The following ACSL3 variants were observed in gnomAD, a reference collection of about 807,000 sequenced individuals.
The protein encoded by ACSL3 is acyl-CoA synthetase long chain family member 3, also known as fatty acid CoA ligase Acsl3.
In ACSL3, 34 loss-of-function variants were observed where a neutral mutation model predicts 84.7. The observed-to-expected ratio is 0.40, with a 90% CI of 0.31 to 0.53. ACSL3 has a LOEUF of 0.53. Ranked by LOEUF, ACSL3 falls within the 20% of genes least tolerant of loss-of-function variation. The pLI is 0.48. For synonymous variants in ACSL3, 315 were observed against 299.4 expected, an observed-to-expected ratio of 1.05 and a Z score of -0.54; for missense variants, 680 against 873.1, an observed-to-expected ratio of 0.78 and a Z score of 2.79.
intron 2 of ACSL3, among the ~76,000 whole-genome samples, chr2:222,894,260 TCA>T (rs1223056695): frequency 6.6e-6 from 1 of 152,214 alleles, no homozygotes; most frequent in African/African-American, 2.4e-5. Context: ...TCCTTTTCCT[TCA>T]GTCTTTCCAA....
intron 1 of ACSL3, among the ~76,000 whole-genome samples, chr2:222,880,365 C>G (rs909702818): frequency 3.9e-5 from 6 of 152,022 alleles, no homozygotes; most frequent in Non-Finnish European, 7.4e-5. Context: ...TCTGTCTTTT[C>G]ATATATTCAG....
chr2:222,918,063 A>G lies in ACSL3; in HGVS notation c.574A>G (p.Thr192Ala). The G allele has an allele frequency of 6.2e-7, 1 of 1,611,366 alleles. No homozygotes were observed. The highest frequency in any genetic ancestry group is 8.5e-7 in the Non-Finnish European group (1 of 1,178,428). ...CCTTTTAGTTGTTACATTATATGCC[A>G]CTCTAGGAGGTCCAGCCATTGTTCA... The part of the protein sequence containing the change: ...YNFQLVTLYA[T>A]LGGPAIVHAL... The change falls in exon 6 of 17, where the codon ACT (threonine) becomes GCT (alanine). Residue 192 changes from threonine to alanine, a missense_variant. Thr to Ala is a moderately conservative substitution (Grantham distance 58, BLOSUM62 0). This residue lies in a region of ACSL3 where 333 missense variants were observed against 347.5 expected (regional missense o/e 0.96). Coordinates refer to ENST00000357430, the MANE Select transcript of ACSL3 (RefSeq NM_004457.5).
At chr2:222,861,367 T>G (rs1232868485) in intron 1 of ACSL3, 109 bp downstream of exon 1, 1 of 151,550 alleles carries the variant, frequency 6.6e-6, no homozygotes, top group Non-Finnish European at 1.5e-5. Context: ...CCTGGGACCC[T>G]GTCGTCGGCG....
At chr2:222,888,444 A>T (rs1695771842) in intron 2 of ACSL3, among the ~76,000 whole-genome samples, 1 of 152,228 alleles carries the variant, frequency 6.6e-6, no homozygotes, top group Admixed American at 6.5e-5. Flanking sequence ...GAAATGAAAA[A>T]ATTGAGTAGG....
At chr2:222,882,509 T>A (rs795893) in intron 1 of ACSL3, among the ~76,000 whole-genome samples, 62,491 of 151,956 alleles carry the variant, frequency 0.41, 13,454 homozygotes, top group East Asian at 0.77. Context: ...ATGAAACTGC[T>A]CCACCTCAGA....
chr2:222,941,085 T>A (rs1024907553), intron 16 of ACSL3, among the ~76,000 whole-genome samples: 2 of 152,004 alleles, frequency 1.3e-5, no homozygotes, highest in Admixed American at 6.6e-5. Context: ...TTATTTCTAT[T>A]AAAAAATATT....
intron 15 of ACSL3, 128 bp downstream of exon 15, chr2:222,933,408 C>G: frequency 1.6e-6 from 1 of 613,566 alleles, no homozygotes; most frequent in Non-Finnish European, 2.7e-6. Context: ...GTGGGAATGG[C>G]CTCCTTCTCA....
At chr2:222,882,711 A>G (rs1304181748) in intron 1 of ACSL3, among the ~76,000 whole-genome samples, 1 of 150,212 alleles carries the variant, frequency 6.7e-6, no homozygotes, top group Non-Finnish European at 1.5e-5. Context: ...CCTGCCTTAC[A>G]GGAAGGGTGA....
Position 222,919,154 on chromosome 2 carries a change from G to A in ACSL3, c.757G>A (p.Val253Met), listed in dbSNP as rs765152453. 4.3e-6 allele frequency: 7 copies of A among 1,614,008 alleles called. No homozygotes were observed. In the East Asian group the frequency reaches 1.3e-4, roughly 31 times the overall value. The change falls in exon 7 of 17, where the codon GTG becomes ATG. Residue 253 changes from valine to methionine, a missense_variant. By Grantham distance (21) the Val-to-Met change is conservative (BLOSUM62 1). Transcript: ENST00000357430. ...TWSEFPKGII[V>M]HTMAAVEALG... ...GTCCGAGTTCCCCAAGGGCATCATT[G>A]TGCATACCATGGCTGCAGTGGAGGC... is the stretch of plus-strand genomic sequence containing the variant.
At chr2:222,863,813 G>A (rs569043038) in intron 1 of ACSL3, among the ~76,000 whole-genome samples, 1 of 152,048 alleles carries the variant, frequency 6.6e-6, no homozygotes, top group Admixed American at 6.6e-5. Context: ...CATGTATGAA[G>A]CCAATTCAAA....
At chr2:222,866,047 T>G (rs1047079502) in intron 1 of ACSL3, among the ~76,000 whole-genome samples, 1 of 152,252 alleles carries the variant, frequency 6.6e-6, no homozygotes, top group African/African-American at 2.4e-5. Context: ...GTTTTTGTTT[T>G]TCTAAATGAA....
intron 11 of ACSL3, 72 bp downstream of exon 11, chr2:222,924,667 A>T: frequency 3.7e-6 from 5 of 1,336,576 alleles, no homozygotes; most frequent in African/African-American, 1.5e-5. Flanking sequence ...TTAATAGCCC[A>T]ATTAATTGAG....
intron 4 of ACSL3, among the ~76,000 whole-genome samples, chr2:222,912,679 A>G (rs1696477665): frequency 6.6e-6 from 1 of 152,118 alleles, no homozygotes; most frequent in South Asian, 2.1e-4. Context: ...CCAACAGTCT[A>G]TTTTGAGGTC....
intron 2 of ACSL3, among the ~76,000 whole-genome samples, chr2:222,895,320 C>T (rs1040090527): frequency 3.3e-5 from 5 of 152,288 alleles, no homozygotes; most frequent in African/African-American, 9.6e-5. Flanking sequence ...CCTGTTTCTC[C>T]CACCCTCTCT....
At chr2:222,882,304 T>C (rs912876543) in intron 1 of ACSL3, among the ~76,000 whole-genome samples, 18 of 152,212 alleles carry the variant, frequency 1.2e-4, no homozygotes, top group Non-Finnish European at 2.4e-4. Context: ...GTTAAAACTT[T>C]CCCTTAAAAC....
intron 13 of ACSL3, 81 bp from the exon 14 acceptor site, chr2:222,930,540 A>G: frequency 8.5e-7 from 1 of 1,169,596 alleles, no homozygotes; most frequent in Non-Finnish European, 1.2e-6. Context: ...TTAAAATAAG[A>G]TGACTGTTTA....
intron 3 of ACSL3, among the ~76,000 whole-genome samples, chr2:222,906,540 C>G (rs1696298557): frequency 6.6e-6 from 1 of 151,888 alleles, no homozygotes; most frequent in Non-Finnish European, 1.5e-5. Context: ...TTAGGTATCT[C>G]TTTCCCTGGT....
chr2:222,866,739 G>C (rs1478383439), intron 1 of ACSL3, among the ~76,000 whole-genome samples: 2 of 3,976 alleles, frequency 5.0e-4, no homozygotes, highest in Non-Finnish European at 6.8e-4. Context: ...AAATAAAACT[G>C]CCCTGCCCCC....
chr2:222,874,370 T>G (rs918382926), intron 1 of ACSL3, among the ~76,000 whole-genome samples: 1 of 152,158 alleles, frequency 6.6e-6, no homozygotes, highest in African/African-American at 2.4e-5. Flanking sequence ...AGATGTTGTT[T>G]CATATGAATA....
Sources: allele counts gnomAD v4.1 joint callset (sites outside exome capture counted in the v4.1 genomes callset), GRCh38; gene constraint gnomAD v4.1.1; regional missense constraint gnomAD v4.1.1; transcripts MANE v1.5; gene names NCBI Gene and HGNC (gene_info 2026-07-23, HGNC 2026-07-21).